Variants in MCF2 observed in about 807,000 individuals in gnomAD.
MCF2 encodes MCF.2 cell line derived transforming sequence, also known as proto-oncogene DBL.
A neutral mutation model predicts 82.5 loss-of-function variants in MCF2; 44 were observed. The observed-to-expected ratio is 0.53, with a 90% CI of 0.42 to 0.69. The LOEUF (loss-of-function observed/expected upper bound fraction) is 0.69. Ranked by LOEUF, MCF2 falls within the 30% of genes least tolerant of loss-of-function variation. The probability of loss-of-function intolerance (pLI) is 0.00; values close to 1 mark genes in which losing one functional copy is unlikely to be tolerated. For synonymous variants in MCF2, 217 were observed against 224.9 expected (o/e 0.96, Z 0.32); for missense variants, 623 against 663.1 (o/e 0.94, Z 0.66).
chrX:139,597,219 A>G (rs1279443175), intron 18 of MCF2, among the ~76,000 whole-genome samples: 1 of 111,433 alleles, frequency 9.0e-6, no homozygotes, highest in African/African-American at 3.3e-5. Flanking sequence ...ACATTCCTTA[A>G]GCAGGATCTC....
At chrX:139,703,280 G>A (rs745736601) in intron 1 of MCF2, among the ~76,000 whole-genome samples, 5 of 111,818 alleles carry the variant, frequency 4.5e-5, no homozygotes, top group Non-Finnish European at 9.4e-5. Flanking sequence ...AGGATACAAG[G>A]GAAGGGTGAA....
At position 139,585,133 on chromosome X, in the gene MCF2, G is replaced by A. The variant is rs777519579; in HGVS notation, c.2678C>T (p.Ala893Val). The A allele has an allele frequency of 3.5e-4, 415 of 1,202,039 alleles. No homozygotes were observed. The highest frequency in any genetic ancestry group is 4.3e-4 in the Non-Finnish European group (381 of 890,715). Reference sequence around the variant, plus strand: ...GTAGAAATAGTTGCTTGACCATTCCGCAGGTTCTTCAGAGATTTCTGCAGA... The same window carrying A: ...GTAGAAATAGTTGCTTGACCATTCCACAGGTTCTTCAGAGATTTCTGCAGA... Residue 893 changes from alanine (A) to valine (V), a missense_variant, in exon 24 of 25, where the codon GCG becomes GTG. Ala to Val is a moderately conservative substitution (Grantham distance 64). Transcript: ENST00000370576.
intron 11 of MCF2, among the ~76,000 whole-genome samples, chrX:139,609,457 T>A (rs756983250): frequency 1.4e-4 from 15 of 110,378 alleles, no homozygotes; most frequent in Non-Finnish European, 2.5e-4. Context: ...CCTGGGGTGG[T>A]AGGATTTCTT....
exon 7 of MCF2, chrX:139,619,699 G>C: frequency 1.8e-6 from 2 of 1,140,516 alleles, no homozygotes; most frequent in Admixed American, 5.1e-5. Flanking sequence ...TTCAACTTCA[G>C]TCACAAGCTA....
At chrX:139,705,432 T>G (rs1169317685) in intron 1 of MCF2, among the ~76,000 whole-genome samples, 3 of 112,508 alleles carry the variant, frequency 2.7e-5, no homozygotes, top group Non-Finnish European at 3.7e-5. Flanking sequence ...CATCTGATCT[T>G]TGACAAGGCC....
At chrX:139,701,338 TAATC>T (rs1935493352) in intron 1 of MCF2, among the ~76,000 whole-genome samples, 1 of 112,152 alleles carries the variant, frequency 8.9e-6, no homozygotes, top group African/African-American at 3.2e-5. Flanking sequence ...AGGCTATAAT[TAATC>T]AATCAAACAC....
intron 1 of MCF2, among the ~76,000 whole-genome samples, chrX:139,699,378 C>T (rs753828626): frequency 1.9e-3 from 214 of 112,070 alleles, no homozygotes; most frequent in Non-Finnish European, 3.0e-3. Context: ...CCATACAATT[C>T]TCCCATTTAA....
intron 1 of MCF2, among the ~76,000 whole-genome samples, chrX:139,701,431 C>G (rs1242165527): frequency 1.8e-5 from 2 of 112,074 alleles, no homozygotes; most frequent in Non-Finnish European, 3.8e-5. Flanking sequence ...AGGAGATTAT[C>G]CATGAAAACC....
intron 1 of MCF2, among the ~76,000 whole-genome samples, chrX:139,664,262 C>G (rs1157321733): frequency 9.1e-6 from 1 of 109,311 alleles, no homozygotes; most frequent in Non-Finnish European, 1.9e-5. Context: ...CTCGGCCTCC[C>G]AAGGTGCTAG....
intron 10 of MCF2, 100 bp downstream of exon 14, chrX:139,613,116 A>G: frequency 1.8e-6 from 1 of 549,668 alleles, no homozygotes; most frequent in Non-Finnish European, 3.0e-6. Context: ...GTAGAATGCA[A>G]CAATGAACTG....
chrX:139,594,085 G>C (rs202211591), intron 19 of MCF2, among the ~76,000 whole-genome samples: 1 of 110,458 alleles, frequency 9.1e-6, no homozygotes, highest in Non-Finnish European at 1.9e-5. Context: ...AGGATATAAA[G>C]AAATGGAAGA....
At chrX:139,672,386 T>C (rs1934726090) in intron 1 of MCF2, among the ~76,000 whole-genome samples, 1 of 112,770 alleles carries the variant, frequency 8.9e-6, no homozygotes, top group African/African-American at 3.2e-5. Context: ...CACCCCTGTG[T>C]TGTGCCAGTT....
At chrX:139,586,433 G>T in exon 23 of MCF2, 1 of 1,210,141 alleles carries the variant, frequency 8.3e-7, no homozygotes, top group Non-Finnish European at 1.1e-6. Flanking sequence ...CCACCACAGT[G>T]CTGGTGTGTT....
At chrX:139,644,548 C>T (rs1330070616), upstream of MCF2, among the ~76,000 whole-genome samples, 1 of 112,326 alleles carries the variant, frequency 8.9e-6, no homozygotes, top group Non-Finnish European at 1.9e-5. Flanking sequence ...AAACAGGAAA[C>T]CACTTTTTGC....
chrX:139,674,712 C>T (rs954607110), intron 1 of MCF2, among the ~76,000 whole-genome samples: 75 of 111,995 alleles, frequency 6.7e-4, no homozygotes, highest in African/African-American at 2.3e-3. Context: ...TGATGGGCTT[C>T]CCTTTGTGGG....
chrX:139,650,435 T>C (rs1426894920), intron 2 of MCF2, among the ~76,000 whole-genome samples: 1 of 112,021 alleles, frequency 8.9e-6, no homozygotes, highest in African/African-American at 3.2e-5. Flanking sequence ...AAAGCTTGTT[T>C]AGTAAACTGA....
chrX:139,661,581 A>T (rs937405393), intron 1 of MCF2, among the ~76,000 whole-genome samples: 5 of 111,833 alleles, frequency 4.5e-5, no homozygotes, highest in African/African-American at 1.6e-4. Flanking sequence ...GCTCTCTCTT[A>T]TCAGTTATAA....
chrX:139,616,856 A>G (rs1204441972), intron 8 of MCF2, among the ~76,000 whole-genome samples: 1 of 112,107 alleles, frequency 8.9e-6, no homozygotes, highest in African/African-American at 3.2e-5. Flanking sequence ...AGAAAAATAT[A>G]AAGTGTAATA....
chrX:139,705,818 G>A (rs1299479465), intron 1 of MCF2, among the ~76,000 whole-genome samples: 1 of 112,191 alleles, frequency 8.9e-6, no homozygotes, highest in African/African-American at 3.2e-5. Flanking sequence ...CTATGTATCT[G>A]ACAAAGGTCT....
Sources: gnomAD v4.1 joint callset for allele counts (sites outside exome capture counted in the v4.1 genomes callset) on GRCh38, gnomAD v4.1.1 for gene constraint, MANE v1.5 for transcripts, NCBI Gene and HGNC (gene_info 2026-07-23, HGNC 2026-07-21) for gene names.